Variants in ABL1 observed in about 807,000 individuals in gnomAD.
The protein encoded by ABL1 is tyrosine-protein kinase ABL1.
ABL1 carries 11 observed loss-of-function variants against 94.7 expected under a neutral mutation model. The observed-to-expected ratio is 0.12, with a 90% CI of 0.07 to 0.19. ABL1 has a LOEUF of 0.19. Ranked by LOEUF, ABL1 falls within the 10% of genes least tolerant of loss-of-function variation. The pLI is 1.00. For missense variants in ABL1, 1,082 were observed against 1,489.4 expected, an observed-to-expected ratio of 0.73 and a Z score of 4.50; for synonymous variants, 656 against 622.4, an observed-to-expected ratio of 1.05 and a Z score of -0.80.
chr9:130,770,855 C>T (rs183878437), intron 1 of ABL1, among the ~76,000 whole-genome samples: 14 of 152,320 alleles, frequency 9.2e-5, no homozygotes, highest in Admixed American at 9.1e-4. Context: ...TCCCAGCCTA[C>T]CCCTTAACCT....
intron 1 of ABL1, among the ~76,000 whole-genome samples, chr9:130,753,904 G>A (rs1308234085): frequency 6.6e-6 from 1 of 151,840 alleles, no homozygotes; most frequent in Admixed American, 6.6e-5. Context: ...TGTGTTTGCT[G>A]TTTTGAAAAT....
chr9:130,736,355 G>T (rs966148581), intron 1 of ABL1, among the ~76,000 whole-genome samples: 7 of 152,282 alleles, frequency 4.6e-5, no homozygotes, highest in Middle Eastern at 6.8e-3. Context: ...TACAGAGGTT[G>T]CCTTCATCCC....
chr9:130,787,759 C>T (rs1355839946), intron 1 of ABL1, among the ~76,000 whole-genome samples: 1 of 152,150 alleles, frequency 6.6e-6, no homozygotes, highest in Non-Finnish European at 1.5e-5. Context: ...ATGCTCAGCT[C>T]CATAAGAATT....
chr9:130,879,228 G>A (rs542600778), intron 8 of ABL1, among the ~76,000 whole-genome samples: 1 of 152,320 alleles, frequency 6.6e-6, no homozygotes, highest in Admixed American at 6.5e-5. Context: ...TGTGTTATCT[G>A]TACTATGCAC....
chr9:130,841,768 C>G (rs1275665244), intron 1 of ABL1, among the ~76,000 whole-genome samples: 1 of 151,908 alleles, frequency 6.6e-6, no homozygotes, highest in East Asian at 1.9e-4. Flanking sequence ...GCCGCGATCT[C>G]ACCATTGTAC....
At chr9:130,785,948 A>G (rs1157931730) in intron 1 of ABL1, among the ~76,000 whole-genome samples, 1 of 151,606 alleles carries the variant, frequency 6.6e-6, no homozygotes, top group Non-Finnish European at 1.5e-5. Context: ...AAAAAAAAAA[A>G]AAAAAAATCT....
intron 1 of ABL1, among the ~76,000 whole-genome samples, chr9:130,733,529 G>A (rs1831692789): frequency 6.6e-6 from 1 of 151,138 alleles, no homozygotes; most frequent in South Asian, 2.1e-4. Flanking sequence ...CGCCTCTCAG[G>A]TAGCTGTGAG....
chr9:130,750,426 TCCCTCCCTCCCTC>T (rs773646574), intron 1 of ABL1, among the ~76,000 whole-genome samples: 26,606 of 50,550 alleles, frequency 0.53, 5,811 homozygotes, highest in East Asian at 0.71. Context: ...CCTCCCTCCC[TCCCTCCCTCCCTC>T]CCTCCCTCCT....
chr9:130,744,448 G>C lies in ABL1; in HGVS notation c.136+29993G>C, dbSNP rs537413186. On this transcript the variant is annotated intron_variant, in intron 1 of 10. Coordinates refer to the ABL1 transcript ENST00000372348. ...GAGCCACCACGCCTGGCCCCTTCTT[G>C]TTTTTGTAGCTTGTCACATGATGAA... Among the ~76,000 whole-genome samples, 8 of 151,572 alleles carry C rather than the reference G, an allele frequency of 5.3e-5. No individual in the cohort carries two copies. In the South Asian group the frequency reaches 1.7e-3, roughly 32 times the overall value.
upstream of ABL1, among the ~76,000 whole-genome samples, chr9:130,831,803 T>G (rs568152562): frequency 2.2e-4 from 34 of 152,190 alleles, no homozygotes; most frequent in South Asian, 4.4e-3. Flanking sequence ...GAGACAGGAT[T>G]TCCCCATGTT....
intron 3 of ABL1, among the ~76,000 whole-genome samples, chr9:130,859,107 T>C (rs1053484968): frequency 2.6e-5 from 4 of 152,206 alleles, no homozygotes; most frequent in African/African-American, 9.7e-5. Context: ...TAACCCTCTG[T>C]TGACATAGCG....
chr9:130,755,232 G>A (rs1223143363), intron 1 of ABL1, among the ~76,000 whole-genome samples: 1 of 152,150 alleles, frequency 6.6e-6, no homozygotes, highest in Non-Finnish European at 1.5e-5. Flanking sequence ...CCTTAAGTAG[G>A]ACATGAGAAG....
intron 1 of ABL1, among the ~76,000 whole-genome samples, chr9:130,723,802 T>A (rs577316955): frequency 6.6e-6 from 1 of 152,096 alleles, no homozygotes; most frequent in Non-Finnish European, 1.5e-5. Flanking sequence ...GTTTTTTATT[T>A]TTTAACTTTT....
upstream of ABL1, among the ~76,000 whole-genome samples, chr9:130,831,394 A>C (rs1830493428): frequency 1.3e-5 from 2 of 151,992 alleles, no homozygotes; most frequent in African/African-American, 2.4e-5. Flanking sequence ...ACTTTTTCTT[A>C]ATAGGACTAA....
At chr9:130,825,703 G>T (rs1830416517) in intron 1 of ABL1, among the ~76,000 whole-genome samples, 9 of 152,310 alleles carry the variant, frequency 5.9e-5, no homozygotes, top group Admixed American at 5.9e-4. Flanking sequence ...TGGTAAAAAG[G>T]TAAAGGGACA....
intron 1 of ABL1, among the ~76,000 whole-genome samples, chr9:130,850,427 T>C (rs775038774): frequency 2.0e-5 from 3 of 152,216 alleles, no homozygotes. Context: ...AAATTGAAGC[T>C]GGAAGTGAGA....
chr9:130,862,194 A>G lies in ABL1; in HGVS notation c.550-569A>G, dbSNP rs1831084738. Among the ~76,000 whole-genome samples the G allele has an allele frequency of 6.6e-6, 1 of 152,224 alleles. No individual in the cohort carries two copies. Among genetic ancestry groups the G allele is most frequent in the Non-Finnish European group, 1.5e-5 (1 of 68,034 alleles). ...ACCCACCAAGTTCTACCATGTGTTA[A>G]TTTAATCAACAGTTATTTATTGAGT... is the stretch of plus-strand genomic sequence containing the variant. On this transcript the variant is annotated intron_variant, in intron 3 of 10. Transcript: ENST00000318560. This position sits in a 1 kb window ranked among gnomAD's most constrained non-coding sequence, Gnocchi z 5.5.
chr9:130,713,187 T>C (rs1831392530), exon 1 of ABL1, among the ~76,000 whole-genome samples: 1 of 151,362 alleles, frequency 6.6e-6, no homozygotes, highest in African/African-American at 2.4e-5. Context: ...TCGGCGGAGC[T>C]CGGGAGATGT....
chr9:130,743,079 C>A (rs1286843096), intron 1 of ABL1, among the ~76,000 whole-genome samples: 1 of 152,020 alleles, frequency 6.6e-6, no homozygotes, highest in Non-Finnish European at 1.5e-5. Flanking sequence ...AAAGTTGATT[C>A]TTGTTTTTTG....
Sources: gnomAD v4.1 joint callset for allele counts (sites outside exome capture counted in the v4.1 genomes callset) on GRCh38, gnomAD v4.1.1 for gene constraint, Gnocchi (gnomAD v3.1) non-coding constraint, MANE v1.5 for transcripts, NCBI Gene and HGNC (gene_info 2026-07-23, HGNC 2026-07-21) for gene names.